KCNIP4: variants seen among roughly 807,000 people sequenced by gnomAD.
KCNIP4 encodes Kv channel-interacting protein 4.
In KCNIP4, 12 loss-of-function variants were observed where a neutral mutation model predicts 34.0. That is an observed-to-expected ratio of 0.35 (90% CI 0.23 to 0.57). The LOEUF is 0.57. KCNIP4 is among the 20% of genes least tolerant of loss of function. The pLI, the probability that KCNIP4 is intolerant of heterozygous loss-of-function variation, is 0.83. For synonymous variants in KCNIP4, 124 were observed against 102.2 expected (o/e 1.21, Z -1.29); for missense variants, 238 against 311.7 (o/e 0.76, Z 1.78).
At chr4:21,538,550 A>T (rs1474088543) in intron 1 of KCNIP4, among the ~76,000 whole-genome samples, 1 of 152,026 alleles carries the variant, frequency 6.6e-6, no homozygotes, top group Non-Finnish European at 1.5e-5. Context: ...CCTCTTCCTC[A>T]TTATTCCTTG....
chr4:21,105,560 C>T (rs1748440460), intron 1 of KCNIP4, among the ~76,000 whole-genome samples: 1 of 151,628 alleles, frequency 6.6e-6, no homozygotes, highest in South Asian at 2.1e-4. Flanking sequence ...ACTTGACTTC[C>T]TCTTTTCCTA....
chr4:21,743,123 A>G (rs1054820357), intron 1 of KCNIP4, among the ~76,000 whole-genome samples: 1 of 152,190 alleles, frequency 6.6e-6, no homozygotes, highest in African/African-American at 2.4e-5. Context: ...TACTGTAATG[A>G]ATTATCACAA....
chr4:21,938,316 T>A (rs1729986980), intron 1 of KCNIP4, among the ~76,000 whole-genome samples: 1 of 152,166 alleles, frequency 6.6e-6, no homozygotes, highest in Admixed American at 6.5e-5. Flanking sequence ...TTCTATCTCT[T>A]TAGATTCAGG....
intron 1 of KCNIP4, among the ~76,000 whole-genome samples, chr4:21,371,549 A>G (rs975397984): frequency 1.4e-5 from 2 of 147,294 alleles, no homozygotes; most frequent in African/African-American, 5.4e-5. Context: ...TATAATAAAG[A>G]TAATAATAGT....
intron 1 of KCNIP4, among the ~76,000 whole-genome samples, chr4:21,394,268 A>G (rs536395243): frequency 1.3e-5 from 2 of 152,264 alleles, no homozygotes; most frequent in South Asian, 2.1e-4. Flanking sequence ...GTGCTCCTTC[A>G]GAGGCCACAG....
intron 1 of KCNIP4, among the ~76,000 whole-genome samples, chr4:21,674,284 A>C (rs1170968885): frequency 6.6e-6 from 1 of 152,192 alleles, no homozygotes; most frequent in Non-Finnish European, 1.5e-5. Flanking sequence ...ATGTGTGCAC[A>C]CACACCCATG....
chr4:20,795,403 G>C (rs931981271), intron 3 of KCNIP4, among the ~76,000 whole-genome samples: 1 of 152,120 alleles, frequency 6.6e-6, no homozygotes, highest in African/African-American at 2.4e-5. Flanking sequence ...CAACTCTCAA[G>C]TTGCTTTTAT....
chr4:21,491,380 G>GT (rs956632786), intron 1 of KCNIP4, among the ~76,000 whole-genome samples: 10 of 152,096 alleles, frequency 6.6e-5, no homozygotes, highest in Admixed American at 6.6e-4. Flanking sequence ...AATGCCACTT[G>GT]TTTTTTGTTT....
rs539022124 is a variant in KCNIP4, at chr4:21,849,576, A to T, written c.61+98995T>A. On this transcript the variant is annotated intron_variant, in intron 1 of 8. Coordinates refer to ENST00000382152, the MANE Select transcript of KCNIP4 (RefSeq NM_025221.6). The stretch of plus-strand genomic sequence containing the variant: ...AAAAAATCAATCCAAAATATTGATC[A>T]TCATGTTTTATTTTGCTGTCAGAGA... 2.0e-5 allele frequency: 3 copies of T among 152,286 alleles called. No individual in the cohort carries two copies. The South Asian group carries it at 6.2e-4, about 32-fold the overall frequency. The allele number at this position is 152,286 out of a possible 1,614,324, so 9.4% of individuals were successfully genotyped here.
intron 1 of KCNIP4, among the ~76,000 whole-genome samples, chr4:21,209,441 T>C (rs1300636391): frequency 4.6e-5 from 7 of 152,158 alleles, no homozygotes; most frequent in South Asian, 2.1e-4. Flanking sequence ...AATCCTTTGT[T>C]CTACTTTTTA....
chr4:21,172,373 T>A (rs993794421), intron 1 of KCNIP4, among the ~76,000 whole-genome samples: 1 of 152,282 alleles, frequency 6.6e-6, no homozygotes, highest in Non-Finnish European at 1.5e-5. Context: ...TTAATACTGA[T>A]ATGAACTGTG....
intron 8 of KCNIP4, chr4:20,731,559 C>T (rs1258124804): frequency 8.1e-6 from 8 of 985,262 alleles, no homozygotes; most frequent in Non-Finnish European, 9.6e-6. Context: ...TGTCCACATA[C>T]ACTAAAACAA....
chr4:21,468,356 C>T (rs910884919), intron 1 of KCNIP4, among the ~76,000 whole-genome samples: 1 of 152,114 alleles, frequency 6.6e-6, no homozygotes, highest in African/African-American at 2.4e-5. Flanking sequence ...AGTAAGGGAA[C>T]CCCTACTGCA....
chr4:21,765,495 T>C (rs1718349637), intron 1 of KCNIP4, among the ~76,000 whole-genome samples: 1 of 151,952 alleles, frequency 6.6e-6, no homozygotes. Flanking sequence ...GGAAAAGTGG[T>C]CAATTTCTGA....
At chr4:21,002,523 T>C (rs1053564001) in intron 1 of KCNIP4, among the ~76,000 whole-genome samples, 4 of 151,962 alleles carry the variant, frequency 2.6e-5, no homozygotes, top group Non-Finnish European at 5.9e-5. Context: ...TTCCCAGGAG[T>C]GAGGTGTTTA....
intron 1 of KCNIP4, among the ~76,000 whole-genome samples, chr4:21,346,645 C>G (rs1457651278): frequency 6.6e-6 from 1 of 151,936 alleles, no homozygotes. Flanking sequence ...AAATTACATT[C>G]TTTAGTACAT....
At chr4:21,447,068 C>G (rs1180247595) in intron 1 of KCNIP4, among the ~76,000 whole-genome samples, 3 of 151,986 alleles carry the variant, frequency 2.0e-5, no homozygotes, top group Non-Finnish European at 2.9e-5. Flanking sequence ...GCCTGCCCTA[C>G]AAGTTTTATA....
chr4:21,928,055 C>T (rs1339543652), intron 1 of KCNIP4, among the ~76,000 whole-genome samples: 1 of 151,238 alleles, frequency 6.6e-6, no homozygotes, highest in Non-Finnish European at 1.5e-5. Flanking sequence ...ATTTTTGGAT[C>T]CTTTCTCTTC....
intron 1 of KCNIP4, among the ~76,000 whole-genome samples, chr4:21,383,490 T>C (rs1427961754): frequency 1.6e-5 from 1 of 63,554 alleles, no homozygotes; most frequent in Non-Finnish European, 3.0e-5. Flanking sequence ...TATGTAGGAG[T>C]AGCAAGACAA....
Sources: allele counts gnomAD v4.1 joint callset (sites outside exome capture counted in the v4.1 genomes callset), GRCh38; gene constraint gnomAD v4.1.1; transcripts MANE v1.5; gene names NCBI Gene and HGNC (gene_info 2026-07-23, HGNC 2026-07-21).